SNTG2: variants seen among roughly 807,000 people sequenced by gnomAD.
The protein encoded by SNTG2 is gamma-2-syntrophin.
A neutral mutation model predicts 70.9 loss-of-function variants in SNTG2; 74 were observed. That is an observed-to-expected ratio of 1.04 (90% CI 0.86 to 1.27). SNTG2 has a LOEUF of 1.27. Among genes scored for constraint, SNTG2 ranks in the 50% most tolerant of loss-of-function variants. SNTG2 has a pLI of 0.00. For synonymous variants in SNTG2, 278 were observed against 273.8 expected (o/e 1.02, Z -0.15); for missense variants, 717 against 690.7 (o/e 1.04, Z -0.43).
intron 6 of SNTG2, among the ~76,000 whole-genome samples, chr2:1,154,036 A>G (rs1220572840): frequency 6.6e-6 from 1 of 152,278 alleles, no homozygotes; most frequent in Non-Finnish European, 1.5e-5. Context: ...TGTTACTTAT[A>G]TAAGCAAAAA....
At chr2:1,020,135 C>T (rs1054697556) in intron 1 of SNTG2, among the ~76,000 whole-genome samples, 2 of 152,224 alleles carry the variant, frequency 1.3e-5, no homozygotes, top group Admixed American at 6.5e-5. Context: ...CTGATATTAA[C>T]AATGGTGCAT....
At chr2:1,017,423 G>A (rs1659932669) in intron 1 of SNTG2, among the ~76,000 whole-genome samples, 1 of 152,168 alleles carries the variant, frequency 6.6e-6, no homozygotes, top group Admixed American at 6.5e-5. Flanking sequence ...GGAGCTACGT[G>A]TACACATGCA....
At position 1,048,325 on chromosome 2, in the gene SNTG2, C is replaced by G. The variant is rs150929933; in HGVS notation, c.73-35193C>G. 2.6e-5 allele frequency among the ~76,000 whole-genome samples: 4 copies of G among 152,242 alleles called. No individual in the cohort carries two copies. The East Asian group carries it at 7.7e-4, about 29-fold the overall frequency. On this transcript the variant is annotated intron_variant, in intron 1 of 16. Coordinates refer to ENST00000308624, the MANE Select transcript of SNTG2 (RefSeq NM_018968.4). ...GTGGCCAGCGCTGACATCCCGACATCCAGCACTCACACCCCGACATCTGGT... is the reference window on the plus strand; with the variant it reads ...GTGGCCAGCGCTGACATCCCGACATGCAGCACTCACACCCCGACATCTGGT...
chr2:1,334,710 G>A (rs945296520), intron 16 of SNTG2, among the ~76,000 whole-genome samples: 5 of 152,100 alleles, frequency 3.3e-5, no homozygotes, highest in East Asian at 1.9e-4. Context: ...CAAATATCAC[G>A]TTCTCATTCA....
At chr2:1,081,930 A>G (rs1390647049) in intron 1 of SNTG2, among the ~76,000 whole-genome samples, 1 of 152,218 alleles carries the variant, frequency 6.6e-6, no homozygotes, top group African/African-American at 2.4e-5. Context: ...GTGTGTGAGC[A>G]CAGTCCTGCA....
rs767271868 is a variant in SNTG2 at position 1,098,226 on chromosome 2, G to A, written c.241G>A (p.Val81Ile). ...AACTGTTACACTCCGCAGACAGCCA[G>A]TTGGCGGCTTGGGCCTGAGTATAAA... is the stretch of plus-strand genomic sequence containing the variant. ...RRTVTLRRQP[V>I]GGLGLSIKGG... is the part of the protein sequence containing the mutation. Residue 81 changes from valine (V) to isoleucine (I), a missense_variant, in exon 3 of 17, where the codon GTT becomes ATT. Coordinates refer to ENST00000308624, the MANE Select transcript of SNTG2 (RefSeq NM_018968.4). 11 of 1,613,928 alleles carry A rather than the reference G, an allele frequency of 6.8e-6. No homozygotes were observed. The highest frequency in any genetic ancestry group is 9.3e-6 in the Non-Finnish European group (11 of 1,179,906).
At chr2:1,312,282 G>T (rs918524507) in intron 15 of SNTG2, among the ~76,000 whole-genome samples, 1 of 152,124 alleles carries the variant, frequency 6.6e-6, no homozygotes, top group Admixed American at 6.5e-5. Flanking sequence ...GGGCGTCCCT[G>T]CCCCACGCAG....
intron 9 of SNTG2, among the ~76,000 whole-genome samples, chr2:1,221,467 C>CTCTGCCTA (rs1674832912): frequency 3.0e-5 from 1 of 33,234 alleles, no homozygotes; most frequent in Non-Finnish European, 5.4e-5. Context: ...CTGTCTCTGT[C>CTCTGCCTA]TCTCTGTCTC....
chr2:1,130,181 G>A (rs1173851413), intron 4 of SNTG2, among the ~76,000 whole-genome samples: 7 of 152,158 alleles, frequency 4.6e-5, no homozygotes, highest in Admixed American at 2.0e-4. Flanking sequence ...CTTCTCCTGA[G>A]TAAATAGGCT....
At chr2:1,257,207 T>G (rs1054492013) in intron 12 of SNTG2, among the ~76,000 whole-genome samples, 3 of 152,078 alleles carry the variant, frequency 2.0e-5, no homozygotes, top group African/African-American at 7.2e-5. Context: ...AAGTCCACAA[T>G]AGAAATGGTT....
intron 14 of SNTG2, among the ~76,000 whole-genome samples, chr2:1,308,086 A>T (rs527634131): frequency 6.6e-6 from 1 of 152,346 alleles, no homozygotes; most frequent in Admixed American, 6.5e-5. Flanking sequence ...CTTCTGCCGG[A>T]ACATGCTTGT....
intron 2 of SNTG2, among the ~76,000 whole-genome samples, chr2:1,088,746 C>T (rs574692158): frequency 6.6e-6 from 1 of 152,310 alleles, no homozygotes; most frequent in African/African-American, 2.4e-5. Context: ...AGATGTCTTG[C>T]TGATTGCCTG....
intron 9 of SNTG2, 121 bp downstream of exon 9, chr2:1,209,351 C>A: frequency 8.4e-7 from 1 of 1,192,194 alleles, no homozygotes; most frequent in Admixed American, 2.1e-5. Flanking sequence ...TGCGTGCTGT[C>A]TTCTGGTAGA....
intron 14 of SNTG2, among the ~76,000 whole-genome samples, chr2:1,298,751 T>G (rs1458121281): frequency 6.6e-6 from 1 of 152,182 alleles, no homozygotes; most frequent in Non-Finnish European, 1.5e-5. Context: ...GGTGTGTCTG[T>G]GAAGGTGTTG....
chr2:967,540 T>C (rs1399913089), intron 1 of SNTG2, among the ~76,000 whole-genome samples: 1 of 152,212 alleles, frequency 6.6e-6, no homozygotes, highest in African/African-American at 2.4e-5. Flanking sequence ...AACCTTACAT[T>C]CTAGAGATAA....
intron 4 of SNTG2, among the ~76,000 whole-genome samples, chr2:1,121,936 A>G (rs1279461758): frequency 6.6e-6 from 1 of 152,332 alleles, no homozygotes; most frequent in East Asian, 1.9e-4. Flanking sequence ...ATTACCATGG[A>G]CACCTCAGAA....
chr2:1,310,306 A>T (rs977290192), intron 15 of SNTG2, among the ~76,000 whole-genome samples: 4 of 151,974 alleles, frequency 2.6e-5, no homozygotes, highest in African/African-American at 9.7e-5. Context: ...ATTTATCTGT[A>T]CCTGTGTTGC....
Position 1,054,896 on chromosome 2 carries a change from T to G in SNTG2, c.73-28622T>G, listed in dbSNP as rs73908676. Among the ~76,000 whole-genome samples, 497 of 152,266 alleles carry G rather than the reference T, an allele frequency of 3.3e-3. 2 individuals are homozygous for G. Among genetic ancestry groups the G allele is most frequent in the African/African-American group, 0.012 (484 of 41,566 alleles). ...AATACATGAGATGAAAATTAGCCAT[T>G]TTAGAAGTTAAAAATATTGCCAGGG... On this transcript the variant is annotated intron_variant, in intron 1 of 16. Coordinates refer to ENST00000308624, the MANE Select transcript of SNTG2 (RefSeq NM_018968.4).
chr2:1,121,502 A>T (rs1036522146), intron 4 of SNTG2, among the ~76,000 whole-genome samples: 5 of 152,230 alleles, frequency 3.3e-5, no homozygotes, highest in African/African-American at 1.2e-4. Context: ...CATCTGTATT[A>T]GTCCGTTCTC....
Sources: allele counts gnomAD v4.1 joint callset (sites outside exome capture counted in the v4.1 genomes callset), GRCh38; gene constraint gnomAD v4.1.1; transcripts MANE v1.5; gene names NCBI Gene and HGNC (gene_info 2026-07-23, HGNC 2026-07-21).